Variants in PCDH7 observed in about 807,000 individuals in gnomAD.
PCDH7 encodes protocadherin-7.
In PCDH7, 17 loss-of-function variants were observed where a neutral mutation model predicts 58.9. That is an observed-to-expected ratio of 0.29 (90% CI 0.20 to 0.43). The LOEUF (loss-of-function observed/expected upper bound fraction) is 0.43, where lower values mean the gene tolerates loss of function less well. Among genes scored for constraint, PCDH7 ranks in the 20% least tolerant of loss-of-function variants. The pLI, the probability that PCDH7 is intolerant of heterozygous loss-of-function variation, is 1.00. For missense variants in PCDH7, 1,274 were observed against 1,441.0 expected, an observed-to-expected ratio of 0.88 and a Z score of 1.88; for synonymous variants, 664 against 616.4, an observed-to-expected ratio of 1.08 and a Z score of -1.14.
At chr4:30,927,374 G>T (rs1744002255) in intron 2 of PCDH7, among the ~76,000 whole-genome samples, 1 of 152,050 alleles carries the variant, frequency 6.6e-6, no homozygotes, top group Non-Finnish European at 1.5e-5. Context: ...AGCTCATTGA[G>T]AACGGGCCAT....
intron 1 of PCDH7, among the ~76,000 whole-genome samples, chr4:30,792,874 C>A (rs114367421): frequency 6.6e-6 from 1 of 152,018 alleles, no homozygotes; most frequent in Non-Finnish European, 1.5e-5. Context: ...GGCTGCCTCC[C>A]GATAATACAT....
chr4:30,796,739 C>T (rs1054574211), intron 1 of PCDH7, among the ~76,000 whole-genome samples: 4 of 152,080 alleles, frequency 2.6e-5, no homozygotes, highest in South Asian at 2.1e-4. Flanking sequence ...TGGTTTTAAA[C>T]TCCCTTTCCC....
At chr4:30,724,384 G>A (rs746411315) in exon 1 of PCDH7, 36 of 1,613,894 alleles carry the variant, frequency 2.2e-5, no homozygotes, top group Non-Finnish European at 1.7e-5. Context: ...TGGTGGGCCC[G>A]GCAGTCCTGA....
At chr4:30,973,584 C>T (rs1044032007) in intron 3 of PCDH7, among the ~76,000 whole-genome samples, 11 of 152,142 alleles carry the variant, frequency 7.2e-5, no homozygotes, top group Admixed American at 3.3e-4. Flanking sequence ...CCATTAAAAG[C>T]AGGGAGGATA....
At chr4:31,061,105 A>G (rs565331155) in intron 3 of PCDH7, among the ~76,000 whole-genome samples, 13 of 151,682 alleles carry the variant, frequency 8.6e-5, no homozygotes, top group African/African-American at 3.1e-4. Context: ...GACTTCATTT[A>G]TTGTCATGTT....
At chr4:30,989,965 A>C (rs1355015732) in intron 3 of PCDH7, among the ~76,000 whole-genome samples, 1 of 152,114 alleles carries the variant, frequency 6.6e-6, no homozygotes, top group Admixed American at 6.6e-5. Context: ...AGTTCCTGAT[A>C]ATATATGTGG....
chr4:31,081,835 C>A (rs1217529114), intron 3 of PCDH7, among the ~76,000 whole-genome samples: 1 of 150,702 alleles, frequency 6.6e-6, no homozygotes, highest in Admixed American at 6.6e-5. Context: ...TGCAGTGGCA[C>A]TATCTTGGCT....
chr4:31,047,553 C>A (rs1756385424), intron 3 of PCDH7, among the ~76,000 whole-genome samples: 2 of 152,022 alleles, frequency 1.3e-5, no homozygotes, highest in South Asian at 4.1e-4. Context: ...AAATTTACTT[C>A]TCAAAATGCA....
chr4:30,822,903 T>C (rs1029259722), intron 1 of PCDH7, among the ~76,000 whole-genome samples: 2 of 152,188 alleles, frequency 1.3e-5, no homozygotes, highest in Non-Finnish European at 2.9e-5. Flanking sequence ...TTCTCATGCA[T>C]TTTCCTTTTC....
chr4:30,799,137 AT>A (rs1236996850), intron 1 of PCDH7, among the ~76,000 whole-genome samples: 1 of 152,054 alleles, frequency 6.6e-6, no homozygotes, highest in East Asian at 1.9e-4. Context: ...TTCACCTTTA[AT>A]TCTAATTAAA....
intron 1 of PCDH7, among the ~76,000 whole-genome samples, chr4:30,865,282 A>G (rs1734730353): frequency 6.6e-6 from 1 of 152,114 alleles, no homozygotes; most frequent in African/African-American, 2.4e-5. Flanking sequence ...ATGTTTGAAC[A>G]TTTGTCATGC....
At chr4:30,783,565 G>A (rs906547251) in intron 1 of PCDH7, among the ~76,000 whole-genome samples, 6 of 152,164 alleles carry the variant, frequency 3.9e-5, no homozygotes, top group Non-Finnish European at 8.8e-5. Context: ...AAGAAAAACA[G>A]ACATCTGTTT....
chr4:30,746,659 C>T (rs1228587984), intron 1 of PCDH7, among the ~76,000 whole-genome samples: 1 of 152,092 alleles, frequency 6.6e-6, no homozygotes, highest in African/African-American at 2.4e-5. Context: ...GTTGGCATAG[C>T]CTATTGAGAG....
At position 31,079,361 on chromosome 4, in the gene PCDH7, TATAC is replaced by T. The variant is rs1372416388; in HGVS notation, c.*8-63110_*8-63107del. Among the ~76,000 whole-genome samples, 448 of 79,068 alleles carry T rather than the reference TATAC, an allele frequency of 5.7e-3. 24 individuals carry two copies. The highest frequency in any genetic ancestry group is 0.016 in the African/African-American group (293 of 18,828). 51.9% of individuals were successfully genotyped at this position (79,068 alleles called of 152,430 possible). A position where few individuals can be genotyped will look rare whatever the true frequency, so the allele number is the denominator to read the frequency against. ...ATATATATATATATATATATATATA[TATAC>T]ACCACATTTTCAAAATAGACAGAAT... On this transcript the variant is annotated intron_variant, in intron 3 of 3. Coordinates refer to the PCDH7 transcript ENST00000509759.
At chr4:30,990,500 T>C (rs1349633710) in intron 3 of PCDH7, among the ~76,000 whole-genome samples, 2 of 152,150 alleles carry the variant, frequency 1.3e-5, no homozygotes, top group African/African-American at 4.8e-5. Flanking sequence ...TTTTGTTTTC[T>C]TTTTCAAAAT....
At chr4:30,852,381 T>C (rs971603965) in intron 1 of PCDH7, among the ~76,000 whole-genome samples, 2 of 152,086 alleles carry the variant, frequency 1.3e-5, no homozygotes, top group East Asian at 1.9e-4. Context: ...GAAACAATTA[T>C]TCTAGATCTG....
At chr4:31,011,192 A>G (rs1376644419) in intron 3 of PCDH7, among the ~76,000 whole-genome samples, 2 of 152,050 alleles carry the variant, frequency 1.3e-5, no homozygotes, top group Admixed American at 1.3e-4. Context: ...GGTGTGGAAT[A>G]TATAGATAGA....
At chr4:31,104,307 T>G (rs1242524633) in intron 3 of PCDH7, among the ~76,000 whole-genome samples, 1 of 152,184 alleles carries the variant, frequency 6.6e-6, no homozygotes, top group African/African-American at 2.4e-5. Flanking sequence ...AGTAAATGCA[T>G]TCATCCCTAA....
In PCDH7 at chr4:30,779,003, G is replaced by GTTTT. The variant is rs386399674; in HGVS notation, c.70+54432_70+54435dup. On this transcript the variant is annotated intron_variant, in intron 1 of 3. Coordinates refer to the PCDH7 transcript ENST00000509759. ...TGATTCCAAATGGCCTCCTTACTCC[G>GTTTT]TTTTTTTTTTTTTTTTTTTTTTTTT... 5.6e-3 allele frequency among the ~76,000 whole-genome samples: 412 copies of GTTTT among 72,998 alleles called. 74 individuals carry two copies. The highest frequency in any genetic ancestry group is 0.014 in the African/African-American group (245 of 17,650). The allele number at this position is 72,998 out of a possible 152,430, so 47.9% of individuals were successfully genotyped here.
Sources: gnomAD v4.1 joint callset for allele counts (sites outside exome capture counted in the v4.1 genomes callset) on GRCh38, gnomAD v4.1.1 for gene constraint, MANE v1.5 for transcripts, NCBI Gene and HGNC (gene_info 2026-07-23, HGNC 2026-07-21) for gene names.